Variants in SDAD1 observed in about 807,000 individuals in gnomAD.
SDAD1 encodes the protein SDA1 domain containing 1, also known as protein SDA1 homolog.
Under a neutral mutation model 100.3 loss-of-function variants are expected in SDAD1, and 79 were observed. The observed-to-expected ratio is 0.79, with a 90% CI of 0.66 to 0.95. The LOEUF (loss-of-function observed/expected upper bound fraction) is 0.95. Among genes scored for constraint, SDAD1 ranks in the 40% least tolerant of loss-of-function variants. The probability of loss-of-function intolerance (pLI) is 0.00; values close to 1 mark genes in which losing one functional copy is unlikely to be tolerated. For missense variants in SDAD1, 790 were observed against 810.9 expected, an observed-to-expected ratio of 0.97 and a Z score of 0.31; for synonymous variants, 267 against 271.4, an observed-to-expected ratio of 0.98 and a Z score of 0.16.
chr4:75,984,629 T>C (rs561083165), intron 1 of SDAD1, among the ~76,000 whole-genome samples: 70 of 152,160 alleles, frequency 4.6e-4, no homozygotes, highest in Non-Finnish European at 9.0e-4. Context: ...TCAACTCACT[T>C]ACTTATGTTT....
chr4:75,978,982 G>GAAAAAAAAAAAAAAAAAAAAAAA (rs538009004), intron 3 of SDAD1, among the ~76,000 whole-genome samples: 4 of 38,066 alleles, frequency 1.1e-4, no homozygotes, highest in East Asian at 1.7e-3. Flanking sequence ...CCCTGTCTCA[G>GAAAAAAAAAAAAAAAAAAAAAAA]AAAAAAAAAA....
In SDAD1 at chr4:75,981,430, T is replaced by C. The variant is rs766200404; in HGVS notation, c.236A>G (p.Gln79Arg). 6.2e-7 allele frequency: 1 copy of C among 1,613,842 alleles called. No individual in the cohort carries two copies. Among genetic ancestry groups the C allele is most frequent in the Non-Finnish European group, 8.5e-7 (1 of 1,179,800 alleles). The change falls in exon 3 of 22, where the codon CAA becomes CGA. Residue 79 changes from glutamine (Q) to arginine (R), a missense_variant. Transcript: ENST00000356260. ...CYPEYLSNFPQEVKDLLSCNH... is the reference protein window; with the variant it reads ...CYPEYLSNFPREVKDLLSCNH... Reference sequence around the variant, plus strand: ...GCAGGAGAGAAGATCTTTCACCTCTTGAGGAAAATTACTTAGGTACTCTGG... The same window carrying C: ...GCAGGAGAGAAGATCTTTCACCTCTCGAGGAAAATTACTTAGGTACTCTGG...
At chr4:75,956,667 T>G (rs764955878) in intron 20 of SDAD1, among the ~76,000 whole-genome samples, 22 of 152,180 alleles carry the variant, frequency 1.4e-4, no homozygotes, top group Non-Finnish European at 3.2e-4. Flanking sequence ...GGCTCTGGCT[T>G]TTCACTGGTG....
At chr4:75,963,456 T>C (rs565867091) in intron 14 of SDAD1, among the ~76,000 whole-genome samples, 9 of 152,346 alleles carry the variant, frequency 5.9e-5, no homozygotes, top group Admixed American at 3.3e-4. Flanking sequence ...GGGGATGGCA[T>C]TGAATCTATA....
rs897444481 is a variant in SDAD1 at position 75,967,337 on chromosome 4, G to A, written c.988-3C>T. 4.3e-6 allele frequency: 7 copies of A among 1,613,948 alleles called. No homozygotes were observed. Among genetic ancestry groups the A allele is most frequent in the Non-Finnish European group, 5.9e-6 (7 of 1,179,892 alleles). ...GGATAGAAATTGAAGAGGAAAAGCT[G>A]TGGAGAGAAAACCGACTTTAATACT... On this transcript the variant is annotated splice_region_variant and splice_polypyrimidine_tract_variant and intron_variant, in intron 11 of 21. Transcript: ENST00000356260.
intron 19 of SDAD1, 26 bp from the exon 20 acceptor site, chr4:75,957,435 G>T (rs1473984455): frequency 6.2e-7 from 1 of 1,612,990 alleles, no homozygotes. Flanking sequence ...AATAACACAT[G>T]AAACAAGAAT....
intron 1 of SDAD1, among the ~76,000 whole-genome samples, chr4:75,984,529 T>C (rs887686575): frequency 2.0e-5 from 3 of 152,086 alleles, no homozygotes; most frequent in Non-Finnish European, 4.4e-5. Flanking sequence ...CTAGGCAGGA[T>C]GTGTTAACAG....
intron 17 of SDAD1, among the ~76,000 whole-genome samples, chr4:75,958,815 AG>A (rs1216273505): frequency 6.6e-6 from 1 of 150,590 alleles, no homozygotes. Context: ...AAAAAAAAAA[AG>A]GCCGGGTGCA....
chr4:75,975,796 C>T lies in SDAD1; in HGVS notation c.526G>A (p.Ala176Thr), dbSNP rs773176883. 1.7e-5 allele frequency: 28 copies of T among 1,613,718 alleles called. No individual in the cohort carries two copies. Among genetic ancestry groups the T allele is most frequent in the East Asian group, 2.2e-5 (1 of 44,862 alleles). The change falls in exon 6 of 22, where the codon GCA becomes ACA. Residue 176 changes from alanine to threonine, a missense_variant. Physicochemically the swap from Ala to Thr is moderately conservative, Grantham distance 58. Transcript: ENST00000356260. ...YTMLRDSNAT[A>T]AKMSLDVMIE... ...ATTACATCTAAAGACATCTTGGCTGCGGTTGCATTGCTATCTCTTAACATG... is the reference window on the plus strand; with the variant it reads ...ATTACATCTAAAGACATCTTGGCTGTGGTTGCATTGCTATCTCTTAACATG...
intron 1 of SDAD1, among the ~76,000 whole-genome samples, chr4:75,990,003 G>A (rs944186258): frequency 1.2e-4 from 19 of 152,168 alleles, no homozygotes; most frequent in African/African-American, 4.1e-4. Flanking sequence ...TTTAATGCCC[G>A]TCTGATAAAT....
intron 9 of SDAD1, among the ~76,000 whole-genome samples, chr4:75,970,639 T>C (rs992922424): frequency 6.6e-6 from 1 of 152,252 alleles, no homozygotes. Flanking sequence ...GGTTTGGCTC[T>C]GTGTCCCCAC....
rs753241782 is a variant in SDAD1 at position 75,956,145 on chromosome 4, AC to A, written c.1855-10del. ...CGGTCTGTCTTTCCAGCCTACCAGAACAAAAAGTTTGATATTTCTTCTTCAA... is the reference window on the plus strand; with the variant it reads ...CGGTCTGTCTTTCCAGCCTACCAGAAAAAAAGTTTGATATTTCTTCTTCAA... On this transcript the variant is annotated splice_polypyrimidine_tract_variant and intron_variant, in intron 20 of 21. Coordinates refer to ENST00000356260, the MANE Select transcript of SDAD1 (RefSeq NM_018115.4). 172 of 1,592,084 alleles carry A rather than the reference AC, an allele frequency of 1.1e-4. No homozygotes were observed. Among genetic ancestry groups the A allele is most frequent in the Admixed American group, 1.5e-4 (8 of 53,776 alleles).
chr4:75,981,920 A>C lies in SDAD1; in HGVS notation c.195+13T>G, dbSNP rs562640005. Reference sequence around the variant, plus strand: ...GTTAATACTGGTCTTTATTTAAGCAATTATATTCTTACCTGTGCCATAAAC... The same window carrying C: ...GTTAATACTGGTCTTTATTTAAGCACTTATATTCTTACCTGTGCCATAAAC... On this transcript the variant is annotated intron_variant, in intron 2 of 21. Coordinates refer to ENST00000356260, the MANE Select transcript of SDAD1 (RefSeq NM_018115.4). The C allele has an allele frequency of 8.3e-5, 129 of 1,563,386 alleles. 2 individuals are homozygous for C. In the South Asian group the frequency reaches 1.4e-3, roughly 17 times the overall value.
intron 12 of SDAD1, among the ~76,000 whole-genome samples, chr4:75,966,435 T>G (rs1729547886): frequency 6.6e-6 from 1 of 152,206 alleles, no homozygotes; most frequent in Non-Finnish European, 1.5e-5. Context: ...TTTCCCTCTC[T>G]TTGTATACCT....
At chr4:75,971,206 C>T (rs1695093327) in intron 9 of SDAD1, 151 bp downstream of exon 9, 1 of 594,094 alleles carries the variant, frequency 1.7e-6, no homozygotes, top group Non-Finnish European at 3.0e-6. Flanking sequence ...TACATTTATT[C>T]ATCTAAAATA....
chr4:75,976,647 A>G (rs1428977306), intron 4 of SDAD1, among the ~76,000 whole-genome samples: 2 of 152,178 alleles, frequency 1.3e-5, no homozygotes, highest in African/African-American at 2.4e-5. Flanking sequence ...GTTTGCAGTG[A>G]TGGTTGTACC....
chr4:75,970,406 G>A, intron 9 of SDAD1, 28 bp from the exon 10 acceptor site: 1 of 1,553,554 alleles, frequency 6.4e-7, no homozygotes, highest in Non-Finnish European at 8.9e-7. Context: ...AACATTTTCA[G>A]TCTGAGTTAC....
chr4:75,950,797 A>T lies in SDAD1; in HGVS notation c.2017T>A (p.Leu673Met), dbSNP rs1328333865. The T allele has an allele frequency of 3.2e-6, 5 of 1,578,998 alleles. No individual in the cohort carries two copies. In the Middle Eastern group the frequency reaches 5.0e-4, roughly 159 times the overall value. Residue 673 changes from leucine to methionine, a missense_variant and splice_region_variant, in exon 22 of 22, where the codon TTG (leucine) becomes ATG (methionine). Physicochemically the swap from Leu to Met is conservative, Grantham distance 15. Transcript: ENST00000356260. ...TTCAAAAGTGCATCTCGTAGTGCCA[A>T]CTGTAAGATAAAAAAGTATTGAAAC... ...KNKRSFREKQ[L>M]ALRDALLKKR...
rs771713404 is a variant in SDAD1, at chr4:75,956,057, T to C, written c.1934A>G (p.Lys645Arg). 1.9e-6 allele frequency: 3 copies of C among 1,613,396 alleles called. No individual in the cohort carries two copies. In the African/African-American group the frequency reaches 4.0e-5, roughly 22 times the overall value. ...CATCATAAAGTTCTTCTGTTTTTTC[T>C]TCTCTTTATTTGTCGAACTGGAAAA... The part of the protein sequence containing the change: ...NPFSSSTNKE[K>R]KKQKNFMMMR... Residue 645 changes from lysine to arginine, a missense_variant, in exon 21 of 22, where the codon AAG becomes AGG. Transcript: ENST00000356260.
Sources: allele counts gnomAD v4.1 joint callset (sites outside exome capture counted in the v4.1 genomes callset), GRCh38; gene constraint gnomAD v4.1.1; transcripts MANE v1.5; gene names NCBI Gene and HGNC (gene_info 2026-07-23, HGNC 2026-07-21).